The following RHOBTB2 variants were observed in gnomAD, a reference collection of about 807,000 sequenced individuals.
RHOBTB2 encodes the protein Rho related BTB domain containing 2, also known as rho-related BTB domain-containing protein 2.
RHOBTB2 carries 39 observed loss-of-function variants against 66.5 expected under a neutral mutation model. The observed-to-expected ratio is 0.59, with a 90% CI of 0.45 to 0.77. RHOBTB2 has a LOEUF of 0.77. Among genes scored for constraint, RHOBTB2 ranks in the 30% least tolerant of loss-of-function variants. RHOBTB2 has a pLI of 0.00. For missense variants in RHOBTB2, 755 were observed against 999.1 expected, an observed-to-expected ratio of 0.76 and a Z score of 3.29; for synonymous variants, 390 against 395.0, an observed-to-expected ratio of 0.99 and a Z score of 0.15.
chr8:23,006,247 C>A lies in RHOBTB2; in HGVS notation c.482+102C>A. 1 of 1,003,758 alleles carries A rather than the reference C, an allele frequency of 1.0e-6. No homozygotes were observed. The allele number at this position is 1,003,758 out of a possible 1,614,324, so 62.2% of individuals were successfully genotyped here. A position where few individuals can be genotyped will look rare whatever the true frequency, so the allele number is the denominator to read the frequency against. On this transcript the variant is annotated intron_variant, in intron 4 of 9. Transcript: ENST00000251822. This position sits in a 1 kb window ranked among gnomAD's most constrained non-coding sequence, Gnocchi z 6.1. The stretch of plus-strand genomic sequence containing the variant: ...TCCACTGAGCCTCATATCTCTCCCT[C>A]CATTTGGAGCAAGCTTGCATTGGGA...
chr8:22,953,553 C>T, the RHOBTB2 span, among the ~76,000 whole-genome samples: 1 of 152,144 alleles, frequency 6.6e-6, no homozygotes, highest in African/African-American at 2.4e-5. Context: ...GCAATGGTAA[C>T]CCATAACATA....
upstream of RHOBTB2, among the ~76,000 whole-genome samples, chr8:22,997,777 G>C (rs147388353): frequency 6.6e-6 from 1 of 152,290 alleles, no homozygotes; most frequent in African/African-American, 2.4e-5. Context: ...GGAGGTGGGT[G>C]GAGGGAACAG....
In RHOBTB2 at chr8:23,005,548, C is replaced by T. The variant is rs530326590; in HGVS notation, c.296+73C>T. The T allele has an allele frequency of 2.4e-5, 25 of 1,023,964 alleles. No homozygotes were observed. In the East Asian group the frequency reaches 5.5e-4, roughly 23 times the overall value. The allele number at this position is 1,023,964 out of a possible 1,614,324, so 63.4% of individuals were successfully genotyped here. On this transcript the variant is annotated intron_variant, in intron 3 of 9. Transcript: ENST00000251822. ...TTCCCTGCTTTTCCCAGGAACAAAG[C>T]ACCTCTGTGAAATTTCAGCTGGCAA...
the RHOBTB2 span, among the ~76,000 whole-genome samples, chr8:22,966,429 T>C: frequency 6.6e-6 from 1 of 151,188 alleles, no homozygotes; most frequent in South Asian, 2.1e-4. Flanking sequence ...AAAAAACGGG[T>C]GAAGGACTTG....
At chr8:22,989,726 C>T (rs757626240) in intron 1 of RHOBTB2, among the ~76,000 whole-genome samples, 5 of 152,210 alleles carry the variant, frequency 3.3e-5, no homozygotes, top group African/African-American at 4.8e-5. Flanking sequence ...GCAAACTAGC[C>T]GTGACTTTGC....
At position 23,015,700 on chromosome 8, in the gene RHOBTB2, C is replaced by A. The variant is rs370278896; in HGVS notation, c.1923C>A (p.Asn641Lys). The change falls in exon 9 of 10, where the codon AAC becomes AAA. Residue 641 changes from asparagine to lysine, a missense_variant. Physicochemically the swap from Asn to Lys is moderately conservative, Grantham distance 94 (BLOSUM62 0). Coordinates refer to ENST00000251822, the MANE Select transcript of RHOBTB2 (RefSeq NM_015178.3). ...ACCACATCTGCACCAACTACAACAA[C>A]GTGTGCCGCAAGTTCCCCCGAGACA... ...CLHHICTNYN[N>K]VCRKFPRDMK... The A allele has an allele frequency of 3.8e-5, 62 of 1,613,906 alleles. No homozygotes were observed. The highest frequency in any genetic ancestry group is 5.0e-5 in the Non-Finnish European group (59 of 1,179,916).
the RHOBTB2 span, among the ~76,000 whole-genome samples, chr8:22,962,880 C>G: frequency 6.6e-6 from 1 of 152,182 alleles, no homozygotes; most frequent in Admixed American, 6.5e-5. Context: ...GTGGTAAAAG[C>G]AAAATACTTG....
intron 2 of RHOBTB2, chr8:22,994,535 C>T (rs1426180875): frequency 1.7e-5 from 24 of 1,438,232 alleles, no homozygotes; most frequent in Non-Finnish European, 2.2e-5. Flanking sequence ...TGCCCCGCCC[C>T]ATCCACTCCT....
At chr8:22,955,191 C>A in the RHOBTB2 span, among the ~76,000 whole-genome samples, 1,148 of 152,186 alleles carry the variant, frequency 7.5e-3, 12 homozygotes, top group African/African-American at 0.027. Flanking sequence ...AGTAAAGGAT[C>A]CACTTTCCCA....
In RHOBTB2 at chr8:23,017,448, T is replaced by A; in HGVS notation, c.2163T>A (p.Ser721=). The change falls in exon 10 of 10, where the codon TCT becomes TCA. Residue 721 remains serine (S), a synonymous_variant. Coordinates refer to ENST00000251822, the MANE Select transcript of RHOBTB2 (RefSeq NM_015178.3). This position sits in a 1 kb window ranked among gnomAD's most constrained non-coding sequence, Gnocchi z 5.3. ...SSSAASSSSP[S]SSSAVV ...CGGCAGCCTCCTCCTCATCCCCATC[T>A]TCCTCCTCGGCTGTGGTCTGAGATG... 1 of 1,595,440 alleles carries A rather than the reference T, an allele frequency of 6.3e-7. No homozygotes were observed. The highest frequency in any genetic ancestry group is 1.1e-5 in the South Asian group (1 of 88,720).
At chr8:22,994,758 A>T, upstream of RHOBTB2, 1 of 715,094 alleles carries the variant, frequency 1.4e-6, no homozygotes, top group South Asian at 1.7e-5. Flanking sequence ...CTAGACCAAC[A>T]TAAAAAAAAA....
At chr8:22,990,379 T>G (rs1459924308) in intron 1 of RHOBTB2, among the ~76,000 whole-genome samples, 2 of 151,908 alleles carry the variant, frequency 1.3e-5, no homozygotes, top group Admixed American at 6.6e-5. Context: ...CTTGCAGGCC[T>G]GCAGCTGGGA....
chr8:23,005,955 C>T lies in RHOBTB2; in HGVS notation c.297-5C>T, dbSNP rs370199938. On this transcript the variant is annotated splice_region_variant and splice_polypyrimidine_tract_variant and intron_variant, in intron 3 of 9. Coordinates refer to ENST00000251822, the MANE Select transcript of RHOBTB2 (RefSeq NM_015178.3). Reference sequence around the variant, plus strand: ...CTGCCCGTAACCTTACTTTCCCACCCGCAGATCTGATGTGGTGGTTCTGTG... The same window carrying T: ...CTGCCCGTAACCTTACTTTCCCACCTGCAGATCTGATGTGGTGGTTCTGTG... The T allele has an allele frequency of 1.0e-5, 16 of 1,606,948 alleles. No individual in the cohort carries two copies. The highest frequency in any genetic ancestry group is 1.6e-4 in the Middle Eastern group (1 of 6,062).
chr8:22,965,962 C>A, the RHOBTB2 span, among the ~76,000 whole-genome samples: 1 of 152,266 alleles, frequency 6.6e-6, no homozygotes, highest in African/African-American at 2.4e-5. Flanking sequence ...TCAAAGAACA[C>A]TGTCAACAGA....
chr8:23,015,625 C>A lies in RHOBTB2; in HGVS notation c.1861-13C>A. On this transcript the variant is annotated splice_polypyrimidine_tract_variant and intron_variant, in intron 8 of 9. Coordinates refer to ENST00000251822, the MANE Select transcript of RHOBTB2 (RefSeq NM_015178.3). ...GGGATTTCAGTACAGACGTTCTTCC[C>A]TTCTGTCCCCAGTTCCACTGTGCGT... 6.3e-7 allele frequency: 1 copy of A among 1,591,264 alleles called. No homozygotes were observed. Among genetic ancestry groups the A allele is most frequent in the Non-Finnish European group, 8.6e-7 (1 of 1,159,602 alleles).
At chr8:23,007,895 C>T (rs934358019) in intron 5 of RHOBTB2, 98 bp from the exon 6 acceptor site, 31 of 1,480,598 alleles carry the variant, frequency 2.1e-5, no homozygotes, top group African/African-American at 2.8e-5. Context: ...TTCCGTGCCC[C>T]GAATCTTCTG....
the RHOBTB2 span, among the ~76,000 whole-genome samples, chr8:22,974,112 C>T: frequency 6.6e-6 from 1 of 152,108 alleles, no homozygotes; most frequent in Non-Finnish European, 1.5e-5. Context: ...CTCCCTCCCT[C>T]CGAGTTTGCT....
At chr8:22,962,179 C>CAAAAA in the RHOBTB2 span, among the ~76,000 whole-genome samples, 2 of 13,842 alleles carry the variant, frequency 1.4e-4, no homozygotes, top group Non-Finnish European at 2.5e-4. Context: ...AACGAATTTA[C>CAAAAA]AAAAAAAAAA....
At chr8:22,977,367 C>G in the RHOBTB2 span, among the ~76,000 whole-genome samples, 6 of 151,944 alleles carry the variant, frequency 3.9e-5, no homozygotes, top group Admixed American at 3.9e-4. Context: ...ATTGCTTGAG[C>G]CCAGGAGGTC....
Sources: gnomAD v4.1 joint callset for allele counts (sites outside exome capture counted in the v4.1 genomes callset) on GRCh38, gnomAD v4.1.1 for gene constraint, Gnocchi (gnomAD v3.1) non-coding constraint, MANE v1.5 for transcripts, NCBI Gene and HGNC (gene_info 2026-07-23, HGNC 2026-07-21) for gene names.